JAKMIP3: variants seen among roughly 807,000 people sequenced by gnomAD.
JAKMIP3 encodes the protein janus kinase and microtubule-interacting protein 3.
In JAKMIP3, 58 loss-of-function variants were observed where a neutral mutation model predicts 118.5. The ratio of observed to expected loss-of-function variants is 0.49; its 90% confidence interval spans 0.40 to 0.61. JAKMIP3 has a LOEUF of 0.61. JAKMIP3 is among the 20% of genes least tolerant of loss of function. JAKMIP3 has a pLI of 0.00. For synonymous variants in JAKMIP3, 486 were observed against 451.2 expected (o/e 1.08, Z -0.98); for missense variants, 950 against 1,109.0 (o/e 0.86, Z 2.04).
At chr10:132,153,256 C>T (rs55892201) in intron 17 of JAKMIP3, among the ~76,000 whole-genome samples, 8,149 of 152,288 alleles carry the variant, frequency 0.054, 341 homozygotes, top group Middle Eastern at 0.13. Flanking sequence ...ACCCTGTCTG[C>T]GTTTCCTCCC....
chr10:132,074,411 G>A (rs756515889), intron 1 of JAKMIP3, among the ~76,000 whole-genome samples: 20 of 152,018 alleles, frequency 1.3e-4, no homozygotes, highest in Non-Finnish European at 2.8e-4. Context: ...ATCTCATTGT[G>A]GTTTTGATTT....
At chr10:132,125,300 A>G (rs1177644241) in intron 3 of JAKMIP3, among the ~76,000 whole-genome samples, 1 of 152,202 alleles carries the variant, frequency 6.6e-6, no homozygotes, top group Non-Finnish European at 1.5e-5. Flanking sequence ...TGGATATCCA[A>G]CTATTTCAGG....
At chr10:132,146,991 C>T (rs1328346218) in intron 13 of JAKMIP3, among the ~76,000 whole-genome samples, 3 of 152,232 alleles carry the variant, frequency 2.0e-5, no homozygotes, top group African/African-American at 4.8e-5. Context: ...CTGGCATGTA[C>T]ACTTGAAGAC....
intron 23 of JAKMIP3, among the ~76,000 whole-genome samples, chr10:132,172,645 CT>C (rs1826829260): frequency 6.6e-6 from 1 of 151,924 alleles, no homozygotes; most frequent in African/African-American, 2.4e-5. Context: ...CCCAGCCAGG[CT>C]GTTAATGTCT....
chr10:132,180,546 CGT>C lies in JAKMIP3; in HGVS notation c.*1104-1809_*1104-1808del, dbSNP rs1272765694. Among the ~76,000 whole-genome samples the C allele has an allele frequency of 3.2e-3, 51 of 15,948 alleles. 5 individuals are homozygous for C. Among genetic ancestry groups the C allele is most frequent in the African/African-American group, 4.6e-3 (12 of 2,634 alleles). The allele number at this position is 15,948 out of a possible 152,430, so 10.5% of individuals were successfully genotyped here. A position where few individuals can be genotyped will look rare whatever the true frequency, so the allele number is the denominator to read the frequency against. ...AACTGTGTGTGTGTGTGTGTGTGTG[CGT>C]GCGTGCATGCGTGTGTGTGCGTGTG... On this transcript the variant is annotated intron_variant, in intron 23 of 23. Coordinates refer to ENST00000684848, the MANE Select transcript of JAKMIP3 (RefSeq NM_001323087.2).
intron 1 of JAKMIP3, among the ~76,000 whole-genome samples, chr10:132,091,839 G>A (rs1399392158): frequency 8.5e-5 from 13 of 152,150 alleles, no homozygotes; most frequent in South Asian, 2.1e-4. Flanking sequence ...TATTTTGCTC[G>A]TTAGTTGATG....
intron 2 of JAKMIP3, among the ~76,000 whole-genome samples, chr10:132,111,775 T>A (rs1480416131): frequency 1.3e-5 from 2 of 152,152 alleles, no homozygotes; most frequent in African/African-American, 4.8e-5. Context: ...TTATATATTA[T>A]AAATATGTTT....
chr10:132,089,270 T>C (rs1016322998), intron 1 of JAKMIP3, among the ~76,000 whole-genome samples: 1 of 152,198 alleles, frequency 6.6e-6, no homozygotes, highest in Non-Finnish European at 1.5e-5. Flanking sequence ...TTGATGGGGA[T>C]GGCATTGAAT....
At chr10:132,065,092 C>T (rs539330938), upstream of JAKMIP3, among the ~76,000 whole-genome samples, 28 of 152,198 alleles carry the variant, frequency 1.8e-4, no homozygotes, top group African/African-American at 6.5e-4. The surrounding 1 kb of genome is among the most constrained non-coding windows in gnomAD (Gnocchi z 5.6). Flanking sequence ...CCCTGGTGGC[C>T]GGAGACAGGG....
At position 132,145,134 on chromosome 10, in the gene JAKMIP3, C is replaced by T; in HGVS notation, c.1630C>T (p.Gln544Ter). Residue 544 changes from glutamine to a stop codon, truncating the protein, a stop_gained, in exon 12 of 24, where the codon CAG becomes TAG. Transcript: ENST00000684848. LOFTEE classifies it high-confidence loss of function. ...CCGTGAGCAGCTACAAGCCGAAGTG[C>T]AGAGGGCACAGGCGCGGATAGAGGA... The part of the protein sequence containing the change: ...KTREQLQAEV[Q>*]RAQARIEDLE... 1 of 1,612,510 alleles carries T rather than the reference C, an allele frequency of 6.2e-7. No homozygotes were observed. Among genetic ancestry groups the T allele is most frequent in the Middle Eastern group, 1.7e-4 (1 of 6,060 alleles).
chr10:132,178,324 A>G (rs944532498), intron 23 of JAKMIP3, among the ~76,000 whole-genome samples: 1 of 152,190 alleles, frequency 6.6e-6, no homozygotes, highest in African/African-American at 2.4e-5. Context: ...TCCCCTCTGT[A>G]GAGTTGAGAG....
At chr10:132,067,769 C>CTGGGCTTCCGTGTGGACTG (rs1440064007) in intron 1 of JAKMIP3, among the ~76,000 whole-genome samples, 15 of 55,288 alleles carry the variant, frequency 2.7e-4, no homozygotes, top group East Asian at 1.1e-3. Context: ...CGTGTGGACT[C>CTGGGCTTCCGTGTGGACTG]TGGGCTTCCG....
At chr10:132,078,212 T>A (rs1589760513) in intron 1 of JAKMIP3, among the ~76,000 whole-genome samples, 1 of 152,362 alleles carries the variant, frequency 6.6e-6, no homozygotes, top group East Asian at 1.9e-4. Context: ...GTTATTACAT[T>A]TCACAACCTC....
At position 132,112,713 on chromosome 10, in the gene JAKMIP3, G is replaced by T. The variant is rs1841452980; in HGVS notation, c.136-4364G>T. 6.6e-6 allele frequency among the ~76,000 whole-genome samples: 1 copy of T among 152,162 alleles called. No homozygotes were observed. Among genetic ancestry groups the T allele is most frequent in the African/African-American group, 2.4e-5 (1 of 41,416 alleles). Reference sequence around the variant, plus strand: ...GGGAAATAGTTCCCATGAAGGGTCTGGGATTCGGATTCTCCTTGTCCACAG... The same window carrying T: ...GGGAAATAGTTCCCATGAAGGGTCTTGGATTCGGATTCTCCTTGTCCACAG... On this transcript the variant is annotated intron_variant, in intron 2 of 23. Coordinates refer to ENST00000684848, the MANE Select transcript of JAKMIP3 (RefSeq NM_001323087.2). This position sits in a 1 kb window ranked among gnomAD's most constrained non-coding sequence, Gnocchi z 4.3.
At chr10:132,111,705 G>A (rs894016485) in intron 2 of JAKMIP3, among the ~76,000 whole-genome samples, 9 of 152,182 alleles carry the variant, frequency 5.9e-5, no homozygotes, top group African/African-American at 2.2e-4. Flanking sequence ...CATGCTCCAG[G>A]CACAGCCAGC....
chr10:132,152,488 C>A (rs1378064890), intron 16 of JAKMIP3, among the ~76,000 whole-genome samples: 1 of 152,198 alleles, frequency 6.6e-6, no homozygotes, highest in African/African-American at 2.4e-5. Context: ...ATAAAAGAGA[C>A]AAAACCTTCC....
intron 23 of JAKMIP3, among the ~76,000 whole-genome samples, chr10:132,173,742 G>GT (rs2059864645): frequency 8.3e-6 from 1 of 120,876 alleles, no homozygotes; most frequent in African/African-American, 2.9e-5. Context: ...TGTCTGTGGT[G>GT]GTCTGTGGTG....
chr10:132,102,751 G>T (rs145166535), intron 1 of JAKMIP3, among the ~76,000 whole-genome samples: 6 of 152,150 alleles, frequency 3.9e-5, no homozygotes, highest in Non-Finnish European at 8.8e-5. Context: ...TGCCACCTCC[G>T]CTGGTCTCTG....
Position 132,104,722 on chromosome 10 carries a change from G to A in JAKMIP3, c.-87G>A. The A allele has an allele frequency of 1.5e-6, 2 of 1,370,328 alleles. No homozygotes were observed. Among genetic ancestry groups the A allele is most frequent in the African/African-American group, 1.4e-5 (1 of 69,520 alleles). The allele number at this position is 1,370,328 out of a possible 1,614,324, so 84.9% of individuals were successfully genotyped here. A position where few individuals can be genotyped will look rare whatever the true frequency, so the allele number is the denominator to read the frequency against. On this transcript the variant is annotated 5_prime_UTR_variant, in exon 2 of 24. Coordinates refer to ENST00000684848, the MANE Select transcript of JAKMIP3 (RefSeq NM_001323087.2). ...GCAGCCCGGGTGACACCTGCTGGGA[G>A]CTTGGCGTGGACACCCCAGCCACCC...
Sources: allele counts gnomAD v4.1 joint callset (sites outside exome capture counted in the v4.1 genomes callset), GRCh38; gene constraint gnomAD v4.1.1; non-coding constraint Gnocchi (gnomAD v3.1); transcripts MANE v1.5; gene names NCBI Gene and HGNC (gene_info 2026-07-23, HGNC 2026-07-21).